The following HPF1 variants were observed in gnomAD, a reference collection of about 807,000 sequenced individuals.
The protein encoded by HPF1 is UPF0609 protein C4orf27.
HPF1 carries 35 observed loss-of-function variants against 38.8 expected under a neutral mutation model. That is an observed-to-expected ratio of 0.90 (90% CI 0.69 to 1.19). The LOEUF (loss-of-function observed/expected upper bound fraction) is 1.19, where lower values mean the gene tolerates loss of function less well. Ranked by LOEUF, HPF1 falls within the 50% of genes most tolerant of loss-of-function variation. The probability of loss-of-function intolerance (pLI) is 0.00; values close to 1 mark genes in which losing one functional copy is unlikely to be tolerated. For missense variants in HPF1, 367 were observed against 405.8 expected, an observed-to-expected ratio of 0.90 and a Z score of 0.82; for synonymous variants, 115 against 139.2, an observed-to-expected ratio of 0.83 and a Z score of 1.22.
intron 1 of HPF1, among the ~76,000 whole-genome samples, chr4:169,756,678 T>G (rs1426606084): frequency 1.3e-5 from 2 of 152,226 alleles, no homozygotes; most frequent in Non-Finnish European, 2.9e-5. Context: ...AGAACGGTCC[T>G]AGCACATAAT....
intron 6 of HPF1, among the ~76,000 whole-genome samples, chr4:169,737,289 C>CAAA (rs35524684): frequency 2.2e-4 from 24 of 108,404 alleles, no homozygotes; most frequent in South Asian, 1.0e-3. Context: ...CACTCCGTCT[C>CAAA]AAAAAAAAAA....
rs1173845254 is a variant in HPF1 at position 169,731,850 on chromosome 4, T to C, written c.763A>G (p.Ile255Val). The change falls in exon 7 of 8, where the codon ATA becomes GTA. Residue 255 changes from isoleucine (I) to valine (V), a missense_variant. Coordinates refer to ENST00000393381, the MANE Select transcript of HPF1 (RefSeq NM_017867.3). ...DADLKRICKTIVEAASDEERL... is the reference protein window; with the variant it reads ...DADLKRICKTVVEAASDEERL... Reference sequence around the variant, plus strand: ...TCCTCATCACTTGCAGCCTCAACTATTGTCTTGCAAATTCTCTTGAGGTCA... The same window carrying C: ...TCCTCATCACTTGCAGCCTCAACTACTGTCTTGCAAATTCTCTTGAGGTCA... 7.4e-6 allele frequency: 12 copies of C among 1,613,416 alleles called. No homozygotes were observed. The highest frequency in any genetic ancestry group is 2.2e-5 in the South Asian group (2 of 90,994).
At chr4:169,746,919 A>C (rs774907294) in intron 4 of HPF1, among the ~76,000 whole-genome samples, 29 of 145,626 alleles carry the variant, frequency 2.0e-4, no homozygotes, top group Non-Finnish European at 1.0e-4. Context: ...TTCTCCAATT[A>C]GCTTAAAAAA....
intron 4 of HPF1, among the ~76,000 whole-genome samples, chr4:169,745,158 G>A (rs1034390178): frequency 6.6e-6 from 1 of 152,186 alleles, no homozygotes; most frequent in Non-Finnish European, 1.5e-5. Flanking sequence ...CAACTACCAT[G>A]GGTGAGAGGA....
At chr4:169,756,476 G>T (rs1389263890) in intron 1 of HPF1, among the ~76,000 whole-genome samples, 1 of 152,154 alleles carries the variant, frequency 6.6e-6, no homozygotes, top group African/African-American at 2.4e-5. Context: ...GTTAGAAAAG[G>T]CTTAATCTGC....
intron 6 of HPF1, among the ~76,000 whole-genome samples, chr4:169,736,635 A>G (rs1427721065): frequency 6.6e-6 from 1 of 152,214 alleles, no homozygotes; most frequent in African/African-American, 2.4e-5. Flanking sequence ...TCCAGGTCAC[A>G]ACCCCCAGAG....
At chr4:169,743,409 C>CTTTTTTTTTTT (rs34941625) in intron 4 of HPF1, among the ~76,000 whole-genome samples, 1 of 69,714 alleles carries the variant, frequency 1.4e-5, no homozygotes, top group African/African-American at 6.5e-5. Flanking sequence ...TGCCCCTGGC[C>CTTTTTTTTTTT]TTTTTTTTTT....
rs1219304151 is a variant in HPF1 at position 169,736,373 on chromosome 4, AAAAG to A, written c.736+1283_736+1286del. Among the ~76,000 whole-genome samples the A allele has an allele frequency of 5.9e-3, 874 of 146,968 alleles. 17 individuals are homozygous for A. The highest frequency in any genetic ancestry group is 9.8e-3 in the Non-Finnish European group (659 of 67,584). ...AGACCCTGTCACAAAAAAAAAAAAA[AAAAG>A]AAGTAAAAAATAAATACGAGTTACA... On this transcript the variant is annotated intron_variant, in intron 6 of 7. Transcript: ENST00000393381.
chr4:169,753,644 A>G (rs775387327), intron 2 of HPF1, 32 bp downstream of exon 2: 43 of 1,586,342 alleles, frequency 2.7e-5, no homozygotes, highest in Non-Finnish European at 3.4e-5. Flanking sequence ...TACTCTTTCC[A>G]TTAATACAAG....
In HPF1 at chr4:169,731,806, A is replaced by G. The variant is rs1489493843; in HGVS notation, c.807T>C (p.Ala269=). The G allele has an allele frequency of 1.2e-6, 2 of 1,610,894 alleles. No homozygotes were observed. Among genetic ancestry groups the G allele is most frequent in the South Asian group, 2.2e-5 (2 of 90,314 alleles). ...ASDEERLKAF[A]PIQEMMTFVQ... ...CAAAAGTCATCATTTCCTGAATGGG[A>G]GCAAAAGCTTTTAGTCTCTCCTCAT... Residue 269 remains alanine (A), a synonymous_variant, in exon 7 of 8, where the codon GCT becomes GCC. Transcript: ENST00000393381.
At chr4:169,736,602 G>T (rs1227635466) in intron 6 of HPF1, among the ~76,000 whole-genome samples, 1 of 152,168 alleles carries the variant, frequency 6.6e-6, no homozygotes, top group Admixed American at 6.5e-5. Context: ...AACTGCTTTA[G>T]AGAATTGGTT....
chr4:169,744,961 A>AAGAGCAAAAG, intron 4 of HPF1, among the ~76,000 whole-genome samples: 2 of 1,148 alleles, frequency 1.7e-3, no homozygotes. Context: ...ACTGTACAAT[A>AAGAGCAAAAG]AGAAAAAAAA....
intron 5 of HPF1, 78 bp from the exon 6 acceptor site, chr4:169,737,825 C>G: frequency 1.1e-6 from 1 of 888,718 alleles, no homozygotes; most frequent in Non-Finnish European, 1.8e-6. Context: ...CATAAACCCT[C>G]AACATTTCTG....
intron 4 of HPF1, among the ~76,000 whole-genome samples, chr4:169,744,807 C>T (rs1734024536): frequency 6.6e-6 from 1 of 151,632 alleles, no homozygotes; most frequent in South Asian, 2.1e-4. Flanking sequence ...ACCAGTTTGT[C>T]AATGAGTCAC....
chr4:169,735,823 C>T (rs1185198740), intron 6 of HPF1, among the ~76,000 whole-genome samples: 1 of 149,084 alleles, frequency 6.7e-6, no homozygotes, highest in Non-Finnish European at 1.5e-5. Flanking sequence ...ACTCTGGCTT[C>T]AAAGAGGAGA....
chr4:169,737,452 G>A (rs373190113), intron 6 of HPF1, among the ~76,000 whole-genome samples: 1 of 151,992 alleles, frequency 6.6e-6, no homozygotes, highest in Non-Finnish European at 1.5e-5. Context: ...GATTTCACAG[G>A]GTTAAATAAT....
Position 169,729,671 on chromosome 4 carries a change from T to A in HPF1, c.948A>T (p.Ala316=). The A allele has an allele frequency of 6.4e-7, 1 of 1,567,728 alleles. No individual in the cohort carries two copies. The highest frequency in any genetic ancestry group is 2.0e-5 in the Admixed American group (1 of 50,600). The change falls in exon 8 of 8, where the codon GCA becomes GCT. Residue 316 remains alanine (A), a synonymous_variant. Transcript: ENST00000393381. ...ACAGATTCCTCTTCAACAGATTATA[T>A]GCAAGAGGTAAAAGCTGGCCAGCAA... ...HKVAGQLLPL[A]YNLLKRNLFA...
intron 1 of HPF1, among the ~76,000 whole-genome samples, chr4:169,754,556 A>G (rs1734160826): frequency 6.6e-6 from 1 of 152,104 alleles, no homozygotes; most frequent in African/African-American, 2.4e-5. Context: ...TAGATATTTG[A>G]TAAATTTCTG....
At position 169,737,711 on chromosome 4, in the gene HPF1, C is replaced by A; in HGVS notation, c.685G>T (p.Val229Phe). 6.2e-7 allele frequency: 1 copy of A among 1,612,490 alleles called. No individual in the cohort carries two copies. The highest frequency in any genetic ancestry group is 8.5e-7 in the Non-Finnish European group (1 of 1,178,910). The change falls in exon 6 of 8, where the codon GTT (valine) becomes TTT (phenylalanine). Residue 229 changes from valine to phenylalanine, a missense_variant. Val to Phe is a conservative substitution (Grantham distance 50). Coordinates refer to ENST00000393381, the MANE Select transcript of HPF1 (RefSeq NM_017867.3). Reference sequence around the variant, plus strand: ...CCAACATCATTTTTATCTACTGGAACAACCAAGCCTGCACCATGAAAGGTC... The same window carrying A: ...CCAACATCATTTTTATCTACTGGAAAAACCAAGCCTGCACCATGAAAGGTC... ...TKTFHGAGLV[V>F]PVDKNDVGYR...
Sources: gnomAD v4.1 joint callset for allele counts (sites outside exome capture counted in the v4.1 genomes callset) on GRCh38, gnomAD v4.1.1 for gene constraint, MANE v1.5 for transcripts, NCBI Gene and HGNC (gene_info 2026-07-23, HGNC 2026-07-21) for gene names.